CCNY: variants seen among roughly 807,000 people sequenced by gnomAD.
CCNY encodes cyclin-Y.
CCNY carries 19 observed loss-of-function variants against 42.8 expected under a neutral mutation model. The ratio of observed to expected loss-of-function variants is 0.44; its 90% CI spans 0.31 to 0.65. The LOEUF is 0.65. Ranked by LOEUF, CCNY falls within the 30% of genes least tolerant of loss-of-function variation. The probability of loss-of-function intolerance (pLI) is 0.07; values close to 1 mark genes in which losing one functional copy is unlikely to be tolerated. For missense variants in CCNY, 370 were observed against 437.3 expected, an observed-to-expected ratio of 0.85 and a Z score of 1.37; for synonymous variants, 165 against 162.7, an observed-to-expected ratio of 1.01 and a Z score of -0.11.
intron 1 of CCNY, among the ~76,000 whole-genome samples, chr10:35,417,702 G>A (rs1838056102): frequency 1.3e-5 from 2 of 152,072 alleles, no homozygotes; most frequent in South Asian, 2.1e-4. Context: ...TCTTTTAATG[G>A]CATTAATTTC....
chr10:35,513,773 G>T (rs1840369489), intron 3 of CCNY, among the ~76,000 whole-genome samples: 1 of 152,140 alleles, frequency 6.6e-6, no homozygotes, highest in African/African-American at 2.4e-5. Context: ...TCACTTTGCT[G>T]TGTCATTTAC....
intron 1 of CCNY, among the ~76,000 whole-genome samples, chr10:35,392,683 C>A (rs924628251): frequency 6.6e-6 from 1 of 152,044 alleles, no homozygotes; most frequent in African/African-American, 2.4e-5. Flanking sequence ...GGAGCTGGGC[C>A]TTGAATGCCA....
At chr10:35,335,776 T>C (rs1836009682), upstream of CCNY, among the ~76,000 whole-genome samples, 1 of 150,836 alleles carries the variant, frequency 6.6e-6, no homozygotes, top group African/African-American at 2.4e-5. Flanking sequence ...AGATCCCATC[T>C]CTACAAAAAG....
In CCNY at chr10:35,337,164, G is replaced by A; in HGVS notation, c.111G>A (p.Thr37=). The A allele has an allele frequency of 6.3e-7, 1 of 1,576,806 alleles. No individual in the cohort carries two copies. The highest frequency in any genetic ancestry group is 8.6e-7 in the Non-Finnish European group (1 of 1,163,818). Residue 37 remains threonine, a synonymous_variant, in exon 1 of 10, where the codon ACG becomes ACA. Transcript: ENST00000374704. The part of the protein sequence containing the change: ...RPDTDLSRED[T]GCNLQHISDR... ...ACACGGACCTGAGCCGCGAGGACACGGGCTGCAACCTGCAGCACATCAGCG... is the reference window on the plus strand; with the variant it reads ...ACACGGACCTGAGCCGCGAGGACACAGGCTGCAACCTGCAGCACATCAGCG...
chr10:35,405,947 A>G (rs2135237526), intron 1 of CCNY, among the ~76,000 whole-genome samples: 1 of 152,244 alleles, frequency 6.6e-6, no homozygotes, highest in East Asian at 1.9e-4. Context: ...TTGAAGCAAG[A>G]TCCTGGGGGA....
chr10:35,385,265 C>A (rs1837278820), intron 1 of CCNY, among the ~76,000 whole-genome samples: 1 of 152,122 alleles, frequency 6.6e-6, no homozygotes, highest in Non-Finnish European at 1.5e-5. Context: ...TCCTTTTTAG[C>A]CCTAATTTGC....
intron 3 of CCNY, among the ~76,000 whole-genome samples, chr10:35,515,877 G>A (rs1589171962): frequency 2.0e-5 from 3 of 152,170 alleles, no homozygotes; most frequent in Non-Finnish European, 4.4e-5. Context: ...GTACAGTTAT[G>A]AAAGAACCTG....
intron 1 of CCNY, among the ~76,000 whole-genome samples, chr10:35,464,714 C>G (rs1321808344): frequency 6.6e-6 from 1 of 152,170 alleles, no homozygotes; most frequent in Non-Finnish European, 1.5e-5. Flanking sequence ...GCCTCATGCC[C>G]CACCCCCAGC....
intron 1 of CCNY, among the ~76,000 whole-genome samples, chr10:35,362,578 G>GA (rs1554780350): frequency 2.5e-4 from 37 of 146,726 alleles, no homozygotes; most frequent in African/African-American, 8.5e-4. Context: ...GAGGGTACCA[G>GA]TTTTTTTTTT....
chr10:35,413,907 G>A (rs1336642044), intron 1 of CCNY, among the ~76,000 whole-genome samples: 2 of 152,194 alleles, frequency 1.3e-5, no homozygotes, highest in Non-Finnish European at 2.9e-5. Context: ...CATCGGGCAC[G>A]TCGCTTTTGC....
chr10:35,390,536 G>T (rs1434610882), intron 1 of CCNY, among the ~76,000 whole-genome samples: 1 of 152,112 alleles, frequency 6.6e-6, no homozygotes, highest in Non-Finnish European at 1.5e-5. Flanking sequence ...TTTGGTTTTG[G>T]TGTGAACCAA....
chr10:35,538,569 C>T (rs779420879), intron 7 of CCNY, among the ~76,000 whole-genome samples: 14 of 151,990 alleles, frequency 9.2e-5, no homozygotes, highest in Non-Finnish European at 1.3e-4. Context: ...GGATTAATGA[C>T]GGTTGAACAT....
intron 1 of CCNY, among the ~76,000 whole-genome samples, chr10:35,421,297 GTC>G (rs1240260490): frequency 2.0e-5 from 3 of 152,120 alleles, no homozygotes; most frequent in African/African-American, 7.2e-5. Context: ...ATGAGCTCCC[GTC>G]TCTGTGCTGC....
chr10:35,399,584 G>A (rs1484593578), intron 1 of CCNY, among the ~76,000 whole-genome samples: 1 of 152,206 alleles, frequency 6.6e-6, no homozygotes, highest in Admixed American at 6.5e-5. Context: ...GTTTCACGCT[G>A]TTAATCCCAA....
chr10:35,478,125 A>G (rs1839562518), intron 1 of CCNY, among the ~76,000 whole-genome samples: 1 of 150,044 alleles, frequency 6.7e-6, no homozygotes, highest in African/African-American at 2.4e-5. Flanking sequence ...ACTGCTGCTC[A>G]AGGAAATAAA....
At chr10:35,315,094 ATATAT>A (rs1317775618) in intron 3 of CCNY, 2 of 152,114 alleles carry the variant, frequency 1.3e-5, no homozygotes, top group Non-Finnish European at 2.9e-5. Flanking sequence ...AAAAATATAT[ATATAT>A]TAAATAACTT....
chr10:35,321,811 G>T (rs1195724952), intron 3 of CCNY, among the ~76,000 whole-genome samples: 1 of 152,084 alleles, frequency 6.6e-6, no homozygotes, highest in Non-Finnish European at 1.5e-5. Context: ...CAAATTTCAA[G>T]ACTGACTATA....
At position 35,347,646 on chromosome 10, in the gene CCNY, G is replaced by T. The variant is rs117499890; in HGVS notation, c.154+10439G>T. On this transcript the variant is annotated intron_variant, in intron 1 of 9. Transcript: ENST00000374704. ...TTGTCTCACACTGCAGATTTAACAT[G>T]AATCAGAGGAATTAGTGTATGGGTG... is the stretch of plus-strand genomic sequence containing the variant. Among the ~76,000 whole-genome samples the T allele has an allele frequency of 2.5e-3, 375 of 152,140 alleles. 9 individuals are homozygous for T. The East Asian group carries it at 0.056, about 23-fold the overall frequency.
intron 3 of CCNY, chr10:35,250,640 G>C (rs554222447): frequency 7.9e-5 from 12 of 152,470 alleles, no homozygotes; most frequent in African/African-American, 2.9e-4. Flanking sequence ...AGCCCAGACT[G>C]CTGTCAAGGT....
Sources: gnomAD v4.1 joint callset for allele counts (sites outside exome capture counted in the v4.1 genomes callset) on GRCh38, gnomAD v4.1.1 for gene constraint, MANE v1.5 for transcripts, NCBI Gene and HGNC (gene_info 2026-07-23, HGNC 2026-07-21) for gene names.